The following TFG variants were observed in gnomAD, a reference collection of about 807,000 sequenced individuals.
TFG encodes the protein protein TFG.
In TFG, 22 loss-of-function variants were observed where a neutral mutation model predicts 51.4. The ratio of observed to expected loss-of-function variants is 0.43; its 90% CI spans 0.31 to 0.61. The LOEUF (loss-of-function observed/expected upper bound fraction) is 0.61, where lower values mean the gene tolerates loss of function less well. Ranked by LOEUF, TFG falls within the 20% of genes least tolerant of loss-of-function variation. The pLI, the probability that TFG is intolerant of heterozygous loss-of-function variation, is 0.12. For synonymous variants in TFG, 187 were observed against 165.6 expected (o/e 1.13, Z -0.99); for missense variants, 419 against 487.7 (o/e 0.86, Z 1.33).
At chr3:100,740,204 C>T (rs1205132869) in intron 6 of TFG, among the ~76,000 whole-genome samples, 1 of 151,992 alleles carries the variant, frequency 6.6e-6, no homozygotes, top group Non-Finnish European at 1.5e-5. Flanking sequence ...AACATAGATA[C>T]TTAGACAACA....
Position 100,747,682 on chromosome 3 carries a change from TTTTA to T in TFG, c.821-459_821-456del, listed in dbSNP as rs572085156. The stretch of plus-strand genomic sequence containing the variant: ...TTTTAAAGATTGTGAAAATGGTACT[TTTTA>T]TTTATTTGCAAAATTTAAAGCACCT... On this transcript the variant is annotated intron_variant, in intron 7 of 7. Coordinates refer to ENST00000240851, the MANE Select transcript of TFG (RefSeq NM_006070.6). Among the ~76,000 whole-genome samples, 520 of 152,286 alleles carry T rather than the reference TTTTA, an allele frequency of 3.4e-3. 3 individuals carry two copies. The highest frequency in any genetic ancestry group is 5.0e-3 in the Non-Finnish European group (342 of 68,014).
chr3:100,720,003 T>C lies in TFG; in HGVS notation c.213T>C (p.Ser71=), dbSNP rs773769795. ...GAGATCTTATAACAATTTTTGATAG[T>C]TCTGACCTTTCCTTTGCAATTCAGT... ...EDGDLITIFD[S]SDLSFAIQCS... Residue 71 remains serine (S), a synonymous_variant, in exon 3 of 8, where the codon AGT becomes AGC. Coordinates refer to ENST00000240851, the MANE Select transcript of TFG (RefSeq NM_006070.6). 5 of 1,580,554 alleles carry C rather than the reference T, an allele frequency of 3.2e-6. No homozygotes were observed. The highest frequency in any genetic ancestry group is 3.4e-6 in the Non-Finnish European group (4 of 1,166,390).
chr3:100,728,623 G>C, intron 3 of TFG, 89 bp from the exon 4 acceptor site: 4 of 1,138,218 alleles, frequency 3.5e-6, no homozygotes, highest in Non-Finnish European at 4.8e-6. Context: ...TTTTTTTAAA[G>C]GAATTGTATT....
intron 3 of TFG, among the ~76,000 whole-genome samples, chr3:100,726,856 C>G (rs1401235179): frequency 6.6e-6 from 1 of 152,132 alleles, no homozygotes; most frequent in Non-Finnish European, 1.5e-5. Flanking sequence ...TGGATGCTCT[C>G]AGGAAGTAGA....
chr3:100,715,892 T>C (rs939735015), intron 2 of TFG, among the ~76,000 whole-genome samples: 1 of 146,386 alleles, frequency 6.8e-6, no homozygotes, highest in African/African-American at 2.5e-5. Context: ...ATTTTTAACT[T>C]TTTTTTTTTT....
Position 100,732,660 on chromosome 3 carries a change from G to A in TFG, c.568G>A (p.Asp190Asn). The A allele has an allele frequency of 6.2e-7, 1 of 1,609,136 alleles. No homozygotes were observed. The highest frequency in any genetic ancestry group is 1.3e-5 in the African/African-American group (1 of 74,716). The change falls in exon 5 of 8, where the codon GAT becomes AAT. Residue 190 changes from aspartate (D) to asparagine (N), a missense_variant. Physicochemically the swap from Asp to Asn is conservative, Grantham distance 23. Around this residue, in one of 3 missense-constraint regions of TFG, gnomAD observed 391 missense variants for 434.4 expected, o/e 0.90. Transcript: ENST00000240851. ...TATGTCAGCGTTTGGCTTAACAGAT[G>A]ATCAGGTTTCAGGTAAGTTGGTTTC... ...NVMSAFGLTD[D>N]QVSGPPSAPA...
chr3:100,710,576 G>T (rs1164108985), intron 1 of TFG, among the ~76,000 whole-genome samples: 3 of 152,336 alleles, frequency 2.0e-5, no homozygotes, highest in East Asian at 1.9e-4. Flanking sequence ...CTGAAATTGA[G>T]CAGGGTCTTA....
intron 2 of TFG, among the ~76,000 whole-genome samples, chr3:100,716,145 A>G (rs1576355390): frequency 1.3e-5 from 2 of 152,180 alleles, no homozygotes; most frequent in Non-Finnish European, 2.9e-5. Context: ...CTATAGTGCT[A>G]TAGAACACTG....
chr3:100,747,225 T>A lies in TFG; in HGVS notation c.821-924T>A, dbSNP rs1259928778. 3.9e-5 allele frequency among the ~76,000 whole-genome samples: 6 copies of A among 152,288 alleles called. No individual in the cohort carries two copies. In the South Asian group the frequency reaches 1.2e-3, roughly 32 times the overall value. ...ATCTTTGACACTGTTGGTTTGCCAG[T>A]TTCCCTCTGACCTTTTCCAGTTTTG... On this transcript the variant is annotated intron_variant, in intron 7 of 7. Transcript: ENST00000240851.
rs1559726842 is a variant in TFG at position 100,748,154 on chromosome 3, T to C, written c.826T>C (p.Tyr276His). Reference protein sequence around the residue: ...QQYGIQYSASYSQQTGPQQPQ... With the variant: ...QQYGIQYSASHSQQTGPQQPQ... The stretch of plus-strand genomic sequence containing the variant: ...TATTTATTTTGCCTTTTCAGCAAGC[T>C]ATAGTCAGCAGACTGGACCTCAACA... Residue 276 changes from tyrosine (Y) to histidine (H), a missense_variant, in exon 8 of 8, where the codon TAT becomes CAT. Physicochemically the swap from Tyr to His is moderately conservative, Grantham distance 83. This residue lies in a region of TFG where 391 missense variants were observed against 434.4 expected (regional missense o/e 0.90). Coordinates refer to ENST00000240851, the MANE Select transcript of TFG (RefSeq NM_006070.6). 1 of 1,613,392 alleles carries C rather than the reference T, an allele frequency of 6.2e-7. No homozygotes were observed. Among genetic ancestry groups the C allele is most frequent in the Non-Finnish European group, 8.5e-7 (1 of 1,179,602 alleles).
intron 3 of TFG, among the ~76,000 whole-genome samples, chr3:100,727,478 TG>T (rs2095079264): frequency 6.6e-6 from 1 of 152,184 alleles, no homozygotes. Context: ...TCTAATTAGG[TG>T]CTTCAGGAGT....
At chr3:100,721,515 C>T (rs926291191) in intron 3 of TFG, among the ~76,000 whole-genome samples, 30 of 152,036 alleles carry the variant, frequency 2.0e-4, no homozygotes, top group African/African-American at 6.3e-4. Flanking sequence ...TACCTTGGGC[C>T]GTCAGGGGCT....
At chr3:100,722,784 C>T (rs961088115) in intron 3 of TFG, among the ~76,000 whole-genome samples, 2 of 152,082 alleles carry the variant, frequency 1.3e-5, no homozygotes, top group African/African-American at 4.8e-5. Flanking sequence ...CTAAATTTCA[C>T]GAATGAGGAG....
In TFG at chr3:100,719,965, T is replaced by C. The variant is rs79631225; in HGVS notation, c.185-10T>C. The C allele has an allele frequency of 3.0e-5, 44 of 1,467,176 alleles. No individual in the cohort carries two copies. In the Admixed American group the frequency reaches 9.7e-4, roughly 32 times the overall value. 90.9% of individuals were successfully genotyped at this position (1,467,176 alleles called of 1,614,324 possible). On this transcript the variant is annotated splice_polypyrimidine_tract_variant and intron_variant, in intron 2 of 7. Transcript: ENST00000240851. The stretch of plus-strand genomic sequence containing the variant: ...ATTAAAAAACAACCTTTTTTTTTTT[T>C]AAATTCCAGATGGAGATCTTATAAC...
At position 100,717,577 on chromosome 3, in the gene TFG, GTGTT is replaced by G. The variant is rs1169150447; in HGVS notation, c.185-2396_185-2393del. ...GTATGCTCTTTGGTTTCTTTCATCA[GTGTT>G]TTTTTTTTTTTTTGTAGAGGTTTTT... On this transcript the variant is annotated intron_variant, in intron 2 of 7. Coordinates refer to ENST00000240851, the MANE Select transcript of TFG (RefSeq NM_006070.6). 1.1e-3 allele frequency among the ~76,000 whole-genome samples: 83 copies of G among 78,728 alleles called. No individual in the cohort carries two copies. The East Asian group carries it at 0.021, about 20-fold the overall frequency. The allele number at this position is 78,728 out of a possible 152,430, so 51.6% of individuals were successfully genotyped here.
intron 2 of TFG, among the ~76,000 whole-genome samples, chr3:100,714,990 T>G (rs1037756622): frequency 6.6e-6 from 1 of 152,014 alleles, no homozygotes; most frequent in Non-Finnish European, 1.5e-5. Context: ...TGGTTACCAG[T>G]GTTTTTTACT....
rs777434458 is a variant in TFG, at chr3:100,736,685, A to T, written c.690A>T (p.Thr230=). ...PGVQPQQPPY[T]GAQTQAGQIE... Reference sequence around the variant, plus strand: ...TTCAGCCACAGCAGCCACCATATACAGGAGCTCAGACTCAAGCAGGTCAGA... The same window carrying T: ...TTCAGCCACAGCAGCCACCATATACTGGAGCTCAGACTCAAGCAGGTCAGA... Residue 230 remains threonine, a synonymous_variant, in exon 6 of 8, where the codon ACA becomes ACT. Transcript: ENST00000240851. 6.2e-7 allele frequency: 1 copy of T among 1,613,914 alleles called. No individual in the cohort carries two copies. The highest frequency in any genetic ancestry group is 8.5e-7 in the Non-Finnish European group (1 of 1,179,956).
chr3:100,744,405 A>G (rs2095129504), intron 6 of TFG: 1 of 152,764 alleles, frequency 6.5e-6, no homozygotes, highest in African/African-American at 2.4e-5. Context: ...ATAGAGGCCC[A>G]TACCTTTAGA....
intron 6 of TFG, chr3:100,742,904 T>A (rs1466273281): frequency 1.3e-5 from 2 of 150,742 alleles, no homozygotes; most frequent in Non-Finnish European, 3.0e-5. Flanking sequence ...AAAAAAAAGC[T>A]TTATGAAGAG....
Sources: allele counts gnomAD v4.1 joint callset (sites outside exome capture counted in the v4.1 genomes callset), GRCh38; gene constraint gnomAD v4.1.1; regional missense constraint gnomAD v4.1.1; transcripts MANE v1.5; gene names NCBI Gene and HGNC (gene_info 2026-07-23, HGNC 2026-07-21).